EXOC4: variants seen among roughly 807,000 people sequenced by gnomAD.
The protein encoded by EXOC4 is exocyst complex component 4.
A neutral mutation model predicts 107.2 loss-of-function variants in EXOC4; 71 were observed. The observed-to-expected ratio is 0.66, with a 90% confidence interval of 0.55 to 0.81. The LOEUF is 0.81. Ranked by LOEUF, EXOC4 falls within the 30% of genes least tolerant of loss-of-function variation. The pLI is 0.00. For synonymous variants in EXOC4, 456 were observed against 441.2 expected, an observed-to-expected ratio of 1.03 and a Z score of -0.42; for missense variants, 1,108 against 1,189.6, an observed-to-expected ratio of 0.93 and a Z score of 1.01.
At position 133,333,457 on chromosome 7, in the gene EXOC4, A is replaced by G. The variant is rs139726222; in HGVS notation, c.763+16067A>G. 3.2e-4 allele frequency among the ~76,000 whole-genome samples: 49 copies of G among 151,938 alleles called. 3 individuals are homozygous for G. Among genetic ancestry groups the G allele is most frequent in the African/African-American group, 1.2e-3 (48 of 41,442 alleles). The stretch of plus-strand genomic sequence containing the variant: ...CTGGTTTTTTTTTTATTGGAGAGTG[A>G]TATTTTGAAACCTAGATTTGTATTC... On this transcript the variant is annotated intron_variant, in intron 5 of 17. Coordinates refer to ENST00000253861, the MANE Select transcript of EXOC4 (RefSeq NM_021807.4).
chr7:133,730,860 A>AT (rs1795312116), intron 10 of EXOC4, among the ~76,000 whole-genome samples: 1 of 152,138 alleles, frequency 6.6e-6, no homozygotes, highest in African/African-American at 2.4e-5. Flanking sequence ...CACTTTGGTA[A>AT]TTTTTTGGTG....
chr7:133,921,918 T>G (rs1260090610), intron 13 of EXOC4, among the ~76,000 whole-genome samples: 3 of 152,146 alleles, frequency 2.0e-5, no homozygotes, highest in African/African-American at 7.2e-5. Flanking sequence ...TATTCTTCTT[T>G]TCTCTTTCTG....
chr7:133,520,833 C>T (rs1489546168), intron 9 of EXOC4, among the ~76,000 whole-genome samples: 1 of 152,052 alleles, frequency 6.6e-6, no homozygotes, highest in Non-Finnish European at 1.5e-5. Context: ...CACAACAGCT[C>T]AGTAAAAGAG....
chr7:133,902,910 A>G (rs1799486643), intron 12 of EXOC4, among the ~76,000 whole-genome samples: 1 of 152,208 alleles, frequency 6.6e-6, no homozygotes, highest in South Asian at 2.1e-4. Context: ...CTGTGGAGAA[A>G]AGAAATGGAG....
At chr7:133,909,386 G>A (rs1799638614) in intron 12 of EXOC4, among the ~76,000 whole-genome samples, 1 of 152,200 alleles carries the variant, frequency 6.6e-6, no homozygotes, top group Non-Finnish European at 1.5e-5. Flanking sequence ...CAAGTGAGGA[G>A]AGTAGGTTCA....
intron 11 of EXOC4, among the ~76,000 whole-genome samples, chr7:133,885,712 G>C (rs543107790): frequency 2.0e-5 from 3 of 152,144 alleles, no homozygotes; most frequent in Non-Finnish European, 4.4e-5. Flanking sequence ...GCTAGGAATA[G>C]TATTCCAGAC....
At chr7:133,369,545 T>C (rs2150679870) in intron 6 of EXOC4, among the ~76,000 whole-genome samples, 1 of 152,258 alleles carries the variant, frequency 6.6e-6, no homozygotes, top group South Asian at 2.1e-4. Context: ...TCCTTCTTCC[T>C]CTCTAGTTAC....
chr7:133,769,014 A>G (rs1279474501), intron 10 of EXOC4, among the ~76,000 whole-genome samples: 1 of 152,032 alleles, frequency 6.6e-6, no homozygotes, highest in African/African-American at 2.4e-5. Context: ...GTTAACGTGC[A>G]AATCACATAC....
intron 2 of EXOC4, among the ~76,000 whole-genome samples, chr7:133,277,018 A>G (rs373295753): frequency 6.6e-5 from 10 of 151,722 alleles, no homozygotes; most frequent in Non-Finnish European, 1.3e-4. Context: ...CTGGAGTGCA[A>G]TGGCGCGATC....
intron 12 of EXOC4, among the ~76,000 whole-genome samples, chr7:133,915,629 A>G (rs976220797): frequency 2.0e-5 from 3 of 152,226 alleles, no homozygotes; most frequent in African/African-American, 7.2e-5. Context: ...TACACCTGCA[A>G]CAGTCTCTTA....
chr7:133,655,877 T>C (rs2345943), intron 10 of EXOC4, among the ~76,000 whole-genome samples: 81,813 of 152,096 alleles, frequency 0.54, 22,394 homozygotes, highest in Admixed American at 0.64. Flanking sequence ...GTGACATTGT[T>C]GTTTGTTATT....
intron 15 of EXOC4, 104 bp downstream of exon 15, chr7:133,997,737 A>G: frequency 7.6e-7 from 1 of 1,308,420 alleles, no homozygotes; most frequent in South Asian, 1.4e-5. Context: ...GGCTCATATT[A>G]TTGATGTTAT....
chr7:133,518,584 A>G (rs969379339), intron 9 of EXOC4, among the ~76,000 whole-genome samples: 2 of 152,212 alleles, frequency 1.3e-5, no homozygotes, highest in Admixed American at 1.3e-4. Context: ...AAAAGACAGA[A>G]GCAACCCAAA....
At chr7:133,937,693 C>T (rs1800335843) in intron 13 of EXOC4, among the ~76,000 whole-genome samples, 198 bp from the exon 14 acceptor site, 1 of 152,148 alleles carries the variant, frequency 6.6e-6, no homozygotes, top group African/African-American at 2.4e-5. Context: ...ATTTCTTCTT[C>T]CAAGAACTTT....
At chr7:133,645,718 C>T (rs1317519121) in intron 10 of EXOC4, among the ~76,000 whole-genome samples, 1 of 152,112 alleles carries the variant, frequency 6.6e-6, no homozygotes, top group Non-Finnish European at 1.5e-5. Flanking sequence ...TTTTGTGCTC[C>T]TGTGTACCTT....
rs758384160 is a variant in EXOC4, at chr7:133,305,946, C to T, written c.541C>T (p.Leu181Phe). The T allele has an allele frequency of 6.2e-7, 1 of 1,613,814 alleles. No homozygotes were observed. Among genetic ancestry groups the T allele is most frequent in the South Asian group, 1.1e-5 (1 of 91,034 alleles). The change falls in exon 4 of 18, where the codon CTT (leucine) becomes TTT (phenylalanine). Residue 181 changes from leucine to phenylalanine, a missense_variant. Transcript: ENST00000253861. The part of the protein sequence containing the change: ...VEGLSDLRLE[L>F]HSKKMNLHLV... ...AGGACTGAGTGACCTTCGACTAGAG[C>T]TTCACAGCAAGAAGATGAACCTTCA...
At chr7:133,936,396 C>T (rs1214497237) in intron 13 of EXOC4, among the ~76,000 whole-genome samples, 21 of 152,218 alleles carry the variant, frequency 1.4e-4, no homozygotes, top group Admixed American at 1.4e-3. Context: ...ACCTATGTGT[C>T]AATTAAGCAT....
At chr7:133,374,795 G>A (rs779887266) in intron 6 of EXOC4, 33 bp from the exon 7 acceptor site, 2 of 1,587,606 alleles carry the variant, frequency 1.3e-6, no homozygotes, top group East Asian at 2.3e-5. Context: ...GTGTACGTAT[G>A]TGTAAATGTT....
chr7:133,402,835 G>A (rs1173264779), intron 7 of EXOC4, among the ~76,000 whole-genome samples: 1 of 148,828 alleles, frequency 6.7e-6, no homozygotes, highest in Non-Finnish European at 1.5e-5. Context: ...GCTATCAGAT[G>A]ATACCAGTGG....
Sources: gnomAD v4.1 joint callset for allele counts (sites outside exome capture counted in the v4.1 genomes callset) on GRCh38, gnomAD v4.1.1 for gene constraint, MANE v1.5 for transcripts, NCBI Gene and HGNC (gene_info 2026-07-23, HGNC 2026-07-21) for gene names.